Variants in HDHD2 observed in about 807,000 individuals in gnomAD.
HDHD2 encodes the protein haloacid dehalogenase like hydrolase domain containing 2.
In HDHD2, 26 loss-of-function variants were observed where a neutral mutation model predicts 24.8. That is an observed-to-expected ratio of 1.05 (90% CI 0.77 to 1.45). The LOEUF (loss-of-function observed/expected upper bound fraction) is 1.45, where lower values mean the gene tolerates loss of function less well. Among genes scored for constraint, HDHD2 ranks in the 40% most tolerant of loss-of-function variants. The pLI is 0.00. For missense variants in HDHD2, 299 were observed against 313.4 expected, an observed-to-expected ratio of 0.95 and a Z score of 0.35; for synonymous variants, 128 against 114.9, an observed-to-expected ratio of 1.11 and a Z score of -0.73.
intron 4 of HDHD2, among the ~76,000 whole-genome samples, chr18:47,122,665 A>G (rs1201801127): frequency 6.6e-6 from 1 of 152,190 alleles, no homozygotes; most frequent in African/African-American, 2.4e-5. Flanking sequence ...AATCCCACTA[A>G]CATTTAATTA....
chr18:47,144,920 C>A (rs149788442), intron 1 of HDHD2, among the ~76,000 whole-genome samples: 1 of 151,892 alleles, frequency 6.6e-6, no homozygotes, highest in African/African-American at 2.4e-5. Flanking sequence ...AGAACCTACA[C>A]AAACAACAGA....
At chr18:47,133,497 T>TTGGGTGTATACCCAG (rs570277112) in intron 3 of HDHD2, among the ~76,000 whole-genome samples, 1 of 104,466 alleles carries the variant, frequency 9.6e-6, no homozygotes, top group Non-Finnish European at 2.1e-5. Flanking sequence ...TTATAGTCCT[T>TTGGGTGTATACCCAG]TAATGGGATG....
At chr18:47,110,631 C>A in intron 6 of HDHD2, 1 of 984,808 alleles carries the variant, frequency 1.0e-6, no homozygotes, top group Non-Finnish European at 1.2e-6. Context: ...TTAGTTCTAG[C>A]ACCTAGCACA....
At chr18:47,136,643 T>C (rs1459514062) in intron 1 of HDHD2, among the ~76,000 whole-genome samples, 194 bp from the exon 2 acceptor site, 1 of 142,194 alleles carries the variant, frequency 7.0e-6, no homozygotes, top group Non-Finnish European at 1.5e-5. Context: ...AATACTTAGG[T>C]TTTTTTTTAA....
At chr18:47,140,458 T>TG (rs1334536147) in intron 1 of HDHD2, among the ~76,000 whole-genome samples, 1 of 152,240 alleles carries the variant, frequency 6.6e-6, no homozygotes, top group Non-Finnish European at 1.5e-5. Context: ...AGTTTGGTGT[T>TG]GGTGTATTAA....
intron 1 of HDHD2, among the ~76,000 whole-genome samples, chr18:47,148,077 G>A (rs2063891144): frequency 6.8e-6 from 1 of 147,746 alleles, no homozygotes. Flanking sequence ...TGCAACCTCT[G>A]CCTCCCCGGC....
chr18:47,145,291 T>C (rs2063858290), intron 1 of HDHD2, among the ~76,000 whole-genome samples: 1 of 152,210 alleles, frequency 6.6e-6, no homozygotes. Flanking sequence ...CCAGTACAAA[T>C]GGCCAAGTAT....
At chr18:47,113,379 T>G in intron 5 of HDHD2, among the ~76,000 whole-genome samples, 1 of 152,184 alleles carries the variant, frequency 6.6e-6, no homozygotes, top group East Asian at 1.9e-4. Context: ...ATGCATTCTA[T>G]CCATTTGGCA....
intron 5 of HDHD2, 66 bp downstream of exon 5, chr18:47,115,066 G>C (rs1328930542): frequency 2.6e-6 from 3 of 1,138,164 alleles, no homozygotes; most frequent in Non-Finnish European, 4.0e-6. Context: ...CTAAAGCAGT[G>C]TTTCTAAGCT....
At chr18:47,136,499 A>C (rs2063767627) in intron 1 of HDHD2, 50 bp from the exon 2 acceptor site, 1 of 1,474,090 alleles carries the variant, frequency 6.8e-7, no homozygotes, top group South Asian at 1.2e-5. Context: ...AACAATGGAC[A>C]ATTAAAAACT....
chr18:47,124,706 C>CAAAAAAA (rs34350751), intron 4 of HDHD2, among the ~76,000 whole-genome samples: 8 of 43,336 alleles, frequency 1.8e-4, no homozygotes, highest in Admixed American at 3.3e-4. Context: ...AACTCTGACT[C>CAAAAAAA]AAAAAAAAAA....
chr18:47,110,362 C>T, intron 6 of HDHD2: 1 of 985,384 alleles, frequency 1.0e-6, no homozygotes, highest in Non-Finnish European at 1.2e-6. Flanking sequence ...ATAGCATGGT[C>T]CCCGCAGCAA....
At chr18:47,110,413 G>C in intron 6 of HDHD2, 6 of 985,204 alleles carry the variant, frequency 6.1e-6, no homozygotes, top group Non-Finnish European at 6.0e-6. Context: ...AATATCGTTA[G>C]TATAAACTCC....
intron 4 of HDHD2, 57 bp downstream of exon 4, chr18:47,130,187 A>C: frequency 9.1e-7 from 1 of 1,099,016 alleles, no homozygotes; most frequent in South Asian, 1.4e-5. Flanking sequence ...ACAATGACAA[A>C]AGGAAAGGAA....
chr18:47,145,556 C>T (rs1249119377), intron 1 of HDHD2, among the ~76,000 whole-genome samples: 1 of 152,038 alleles, frequency 6.6e-6, no homozygotes, highest in Non-Finnish European at 1.5e-5. Context: ...GTGTTGGAAC[C>T]ATGGAATATC....
chr18:47,136,205 A>G lies in HDHD2; in HGVS notation c.101+134T>C. 3.7e-6 allele frequency: 4 copies of G among 1,083,226 alleles called. No individual in the cohort carries two copies. The South Asian group carries it at 7.0e-5, about 19-fold the overall frequency. The allele number at this position is 1,083,226 out of a possible 1,614,324, so 67.1% of individuals were successfully genotyped here. The stretch of plus-strand genomic sequence containing the variant: ...ATTGTAATGCATACATCTTCTAGCT[A>G]AACCCAAGGCAGTTCCTATATATGG... On this transcript the variant is annotated intron_variant, in intron 2 of 6. Transcript: ENST00000300605.
intron 4 of HDHD2, among the ~76,000 whole-genome samples, chr18:47,125,179 AAAAAAAACC>A (rs1332186800): frequency 6.6e-6 from 1 of 151,956 alleles, no homozygotes; most frequent in Admixed American, 6.6e-5. Context: ...AATAACAACA[AAAAAAAACC>A]AAATAGGAAC....
chr18:47,147,622 A>G (rs1300843262), intron 1 of HDHD2, among the ~76,000 whole-genome samples: 1 of 152,236 alleles, frequency 6.6e-6, no homozygotes, highest in Non-Finnish European at 1.5e-5. Context: ...TGATTAAAGA[A>G]CAAATATGAA....
At chr18:47,127,262 G>A (rs1022373618) in intron 4 of HDHD2, among the ~76,000 whole-genome samples, 5 of 152,110 alleles carry the variant, frequency 3.3e-5, no homozygotes, top group African/African-American at 1.2e-4. Flanking sequence ...ATAGGTTTTA[G>A]AATAATATTT....
Sources: gnomAD v4.1 joint callset for allele counts (sites outside exome capture counted in the v4.1 genomes callset) on GRCh38, gnomAD v4.1.1 for gene constraint, MANE v1.5 for transcripts, NCBI Gene and HGNC (gene_info 2026-07-23, HGNC 2026-07-21) for gene names.